Variants in SGCD observed in about 807,000 individuals in gnomAD.
SGCD encodes the protein sarcoglycan delta, also known as delta-sarcoglycan.
Under a neutral mutation model 36.6 loss-of-function variants are expected in SGCD, and 18 were observed. That is an observed-to-expected ratio of 0.49 (90% CI 0.34 to 0.73). The LOEUF is 0.73. Ranked by LOEUF, SGCD falls within the 30% of genes least tolerant of loss-of-function variation. The pLI, the probability that SGCD is intolerant of heterozygous loss-of-function variation, is 0.01. For synonymous variants in SGCD, 133 were observed against 130.6 expected (o/e 1.02, Z -0.12); for missense variants, 387 against 346.7 (o/e 1.12, Z -0.92).
chr5:156,593,822 T>G lies in SGCD; in HGVS notation c.383-1110T>G, dbSNP rs529725510. Among the ~76,000 whole-genome samples, 7 of 152,310 alleles carry G rather than the reference T, an allele frequency of 4.6e-5. No homozygotes were observed. In the South Asian group the frequency reaches 1.0e-3, roughly 23 times the overall value. On this transcript the variant is annotated intron_variant, in intron 5 of 8. Coordinates refer to ENST00000337851, the MANE Select transcript of SGCD (RefSeq NM_000337.6). ...CTGGGGACTCTCTCATTGCTATTTA[T>G]TATTAAGTGACACTCTTTTGAAAAA...
chr5:156,041,700 TGAG>T (rs1759638326), intron 1 of SGCD, among the ~76,000 whole-genome samples: 1 of 152,110 alleles, frequency 6.6e-6, no homozygotes, highest in Admixed American at 6.5e-5. Context: ...CTTTGAGAAG[TGAG>T]GCATGTGTTG....
At chr5:156,402,211 A>G (rs1772192116) in intron 3 of SGCD, among the ~76,000 whole-genome samples, 1 of 152,166 alleles carries the variant, frequency 6.6e-6, no homozygotes, top group Admixed American at 6.5e-5. Context: ...GTTGTGCATC[A>G]TGTTGCTATG....
At chr5:156,554,884 A>T (rs1239179944) in intron 4 of SGCD, among the ~76,000 whole-genome samples, 5 of 152,060 alleles carry the variant, frequency 3.3e-5, no homozygotes, top group Non-Finnish European at 7.4e-5. Flanking sequence ...CAGTTTCTCC[A>T]TGTCCTCACC....
At chr5:155,956,210 A>G (rs1041702412) in intron 1 of SGCD, among the ~76,000 whole-genome samples, 1 of 149,186 alleles carries the variant, frequency 6.7e-6, no homozygotes, top group African/African-American at 2.5e-5. Context: ...ATTCCTGCTC[A>G]TGATTTAGAC....
Position 156,582,825 on chromosome 5 carries a change from A to G in SGCD, c.295-6406A>G, listed in dbSNP as rs1045485885. On this transcript the variant is annotated intron_variant, in intron 4 of 8. Transcript: ENST00000337851. ...TGCATGCACGCATGTGCACGCGCAC[A>G]CACACACACACACACAAACACACAC... 8.2e-3 allele frequency among the ~76,000 whole-genome samples: 1,254 copies of G among 152,078 alleles called. 22 individuals carry two copies. The highest frequency in any genetic ancestry group is 0.028 in the African/African-American group (1,168 of 41,446).
intron 3 of SGCD, among the ~76,000 whole-genome samples, chr5:156,459,684 A>G (rs923404196): frequency 7.9e-5 from 12 of 152,274 alleles, no homozygotes; most frequent in African/African-American, 2.6e-4. Context: ...CCATCATTGC[A>G]TTGAAAATTA....
At chr5:156,587,610 G>A (rs1760546202) in intron 4 of SGCD, among the ~76,000 whole-genome samples, 1 of 152,164 alleles carries the variant, frequency 6.6e-6, no homozygotes, top group Non-Finnish European at 1.5e-5. Context: ...GGACTGGGCT[G>A]GCCAATCCAG....
At chr5:156,429,650 G>A (rs1442797877) in intron 3 of SGCD, among the ~76,000 whole-genome samples, 3 of 151,552 alleles carry the variant, frequency 2.0e-5, no homozygotes, top group African/African-American at 7.3e-5. Flanking sequence ...CTATTTTGGT[G>A]TATATTGAGG....
chr5:156,688,569 G>A (rs986008435), intron 7 of SGCD, among the ~76,000 whole-genome samples: 1 of 152,210 alleles, frequency 6.6e-6, no homozygotes, highest in Non-Finnish European at 1.5e-5. Flanking sequence ...AGAGACAGGA[G>A]AGAAGTAAGA....
chr5:156,403,704 G>T (rs1772271579), intron 3 of SGCD, among the ~76,000 whole-genome samples: 1 of 152,146 alleles, frequency 6.6e-6, no homozygotes, highest in Admixed American at 6.5e-5. Flanking sequence ...TATGAGGATT[G>T]ATCTAGGCCT....
At chr5:156,041,689 C>A (rs902931387) in intron 1 of SGCD, among the ~76,000 whole-genome samples, 5 of 152,056 alleles carry the variant, frequency 3.3e-5, no homozygotes, top group African/African-American at 1.2e-4. Context: ...AAATGACAAA[C>A]CTTTGAGAAG....
intron 7 of SGCD, among the ~76,000 whole-genome samples, chr5:156,736,568 C>T (rs1385180260): frequency 6.6e-6 from 1 of 152,136 alleles, no homozygotes; most frequent in African/African-American, 2.4e-5. Flanking sequence ...TCTATGAGAG[C>T]TGGCAATTCA....
chr5:156,036,634 G>A (rs529997795), intron 1 of SGCD, among the ~76,000 whole-genome samples: 2 of 152,228 alleles, frequency 1.3e-5, no homozygotes, highest in East Asian at 3.9e-4. Context: ...TGTTATTTAA[G>A]CTTTTTTTAC....
At chr5:155,832,354 C>T in the SGCD span, among the ~76,000 whole-genome samples, 102 of 152,258 alleles carry the variant, frequency 6.7e-4, 1 homozygote, top group South Asian at 4.6e-3. Flanking sequence ...CAGCCTATAA[C>T]TCTAACATTT....
chr5:156,746,555 A>T (rs1200591698), intron 7 of SGCD, among the ~76,000 whole-genome samples: 1 of 152,230 alleles, frequency 6.6e-6, no homozygotes, highest in Admixed American at 6.5e-5. Flanking sequence ...AATACACCAG[A>T]GAGTTTAGAA....
intron 3 of SGCD, among the ~76,000 whole-genome samples, chr5:156,205,758 G>T (rs181835279): frequency 2.0e-5 from 3 of 151,940 alleles, no homozygotes; most frequent in African/African-American, 7.2e-5. Context: ...AACATCAATA[G>T]TCCTAATCTC....
rs139532205 is a variant in SGCD at position 156,591,379 on chromosome 5, A to G, written c.382+2061A>G. ...ACTTCACATGATAGTTAAGTTCTCA[A>G]ATTAGATCACGAATGCCTATTTGAC... is the stretch of plus-strand genomic sequence containing the variant. On this transcript the variant is annotated intron_variant, in intron 5 of 8. Coordinates refer to ENST00000337851, the MANE Select transcript of SGCD (RefSeq NM_000337.6). 4.1e-4 allele frequency among the ~76,000 whole-genome samples: 63 copies of G among 152,340 alleles called. No individual in the cohort carries two copies. In the East Asian group the frequency reaches 0.01, roughly 25 times the overall value.
the SGCD span, among the ~76,000 whole-genome samples, chr5:155,733,821 T>A: frequency 6.6e-6 from 1 of 152,062 alleles, no homozygotes; most frequent in Non-Finnish European, 1.5e-5. Context: ...CTTCATCAAG[T>A]CTCCATTTCT....
chr5:156,145,103 G>A lies in SGCD; in HGVS notation c.-44+21084G>A, dbSNP rs567761458. ...TATAATCCCCAGTGTTGGAGGTGGG[G>A]CCTGATGGGAGGTGATTGAGTCATG... On this transcript the variant is annotated intron_variant, in intron 3 of 9. Transcript: ENST00000517913. Among the ~76,000 whole-genome samples the A allele has an allele frequency of 3.9e-5, 6 of 152,306 alleles. No homozygotes were observed. The South Asian group carries it at 6.2e-4, about 16-fold the overall frequency.
Sources: allele counts gnomAD v4.1 joint callset (sites outside exome capture counted in the v4.1 genomes callset), GRCh38; gene constraint gnomAD v4.1.1; transcripts MANE v1.5; gene names NCBI Gene and HGNC (gene_info 2026-07-23, HGNC 2026-07-21).